CELF2: variants seen among roughly 807,000 people sequenced by gnomAD.
The protein encoded by CELF2 is CUG triplet repeat RNA-binding protein 2.
A neutral mutation model predicts 62.6 loss-of-function variants in CELF2; 8 were observed. That is an observed-to-expected ratio of 0.13 (90% confidence interval 0.07 to 0.23). The LOEUF (loss-of-function observed/expected upper bound fraction) is 0.23. Ranked by LOEUF, CELF2 falls within the 10% of genes least tolerant of loss-of-function variation. The probability of loss-of-function intolerance (pLI) is 1.00; values close to 1 mark genes in which losing one functional copy is unlikely to be tolerated. For synonymous variants in CELF2, 258 were observed against 250.0 expected (o/e 1.03, Z -0.30); for missense variants, 333 against 671.0 (o/e 0.50, Z 5.56).
the CELF2 span, among the ~76,000 whole-genome samples, chr10:10,688,997 C>T: frequency 6.6e-6 from 1 of 151,776 alleles, no homozygotes. Flanking sequence ...GAACAAGACC[C>T]TATCTCTCTC....
At chr10:10,479,921 A>G in the CELF2 span, among the ~76,000 whole-genome samples, 1 of 152,190 alleles carries the variant, frequency 6.6e-6, no homozygotes, top group Non-Finnish European at 1.5e-5. Context: ...CTGTGCATTC[A>G]TTGTCTTAAC....
the CELF2 span, among the ~76,000 whole-genome samples, chr10:10,631,906 A>T: frequency 6.6e-6 from 1 of 152,314 alleles, no homozygotes; most frequent in South Asian, 2.1e-4. Context: ...TTCACCTCTA[A>T]TCAGCTGCAA....
At chr10:11,113,143 ATCT>A (rs2055652808) in intron 1 of CELF2, among the ~76,000 whole-genome samples, 1 of 152,244 alleles carries the variant, frequency 6.6e-6, no homozygotes, top group Non-Finnish European at 1.5e-5. Flanking sequence ...GTGAATCAAT[ATCT>A]TCTTACTTTA....
chr10:10,468,446 A>T, the CELF2 span, among the ~76,000 whole-genome samples: 4 of 151,970 alleles, frequency 2.6e-5, no homozygotes, highest in African/African-American at 9.7e-5. Flanking sequence ...TTCCTCAAAG[A>T]AATGCTTCAG....
chr10:10,549,811 C>T, the CELF2 span, among the ~76,000 whole-genome samples: 17,777 of 152,116 alleles, frequency 0.12, 1,358 homozygotes, highest in Non-Finnish European at 0.16. Context: ...AAGACTTCAA[C>T]GTATGAATTT....
intron 1 of CELF2, among the ~76,000 whole-genome samples, chr10:10,867,631 A>G (rs1005537938): frequency 5.3e-5 from 8 of 152,080 alleles, no homozygotes; most frequent in African/African-American, 1.7e-4. Flanking sequence ...GCCAAAACCC[A>G]TGGGCCATGC....
At chr10:10,878,583 G>A (rs955881403) in intron 1 of CELF2, among the ~76,000 whole-genome samples, 1 of 152,144 alleles carries the variant, frequency 6.6e-6, no homozygotes, top group African/African-American at 2.4e-5. Flanking sequence ...GCCTAGACAA[G>A]TGGTCGTACA....
intron 1 of CELF2, among the ~76,000 whole-genome samples, chr10:11,150,557 T>A (rs1403381413): frequency 6.6e-6 from 1 of 152,264 alleles, no homozygotes; most frequent in Non-Finnish European, 1.5e-5. Context: ...GTGGAGATTA[T>A]GGTTGAACCA....
At position 11,335,404 on chromosome 10, in the gene CELF2, A is replaced by C; in HGVS notation, c.*6351A>C. The C allele has an allele frequency of 6.6e-6, 1 of 152,510 alleles. No homozygotes were observed. Among genetic ancestry groups the C allele is most frequent in the Non-Finnish European group, 1.5e-5 (1 of 68,212 alleles). The allele number at this position is 152,510 out of a possible 1,614,324, so 9.4% of individuals were successfully genotyped here. ...GCAGCCTTCCTCTGCGTGCCAGTGA[A>C]ATCTCTCCCAGTAGGTGCTCAGGCT... On this transcript the variant is annotated 3_prime_UTR_variant, in exon 13 of 13. Transcript: ENST00000633077. The surrounding 1 kb of genome is among the most constrained non-coding windows in gnomAD (Gnocchi z 5.0).
chr10:10,971,676 T>C (rs1592581826), intron 2 of CELF2, among the ~76,000 whole-genome samples: 1 of 152,182 alleles, frequency 6.6e-6, no homozygotes. Flanking sequence ...AAACTGTGCC[T>C]CCCAGGTTCA....
intron 2 of CELF2, among the ~76,000 whole-genome samples, chr10:10,945,159 C>G (rs1471412157): frequency 6.6e-6 from 1 of 152,110 alleles, no homozygotes; most frequent in Non-Finnish European, 1.5e-5. Flanking sequence ...CGGATGGGAG[C>G]CGTAGGTGCT....
intron 1 of CELF2, among the ~76,000 whole-genome samples, chr10:10,803,603 G>T (rs186512576): frequency 9.0e-4 from 137 of 152,280 alleles, no homozygotes; most frequent in African/African-American, 3.1e-3. Flanking sequence ...CTCCCTGATG[G>T]ACTGAATCAT....
chr10:10,472,872 C>T, the CELF2 span, among the ~76,000 whole-genome samples: 1 of 151,930 alleles, frequency 6.6e-6, no homozygotes, highest in African/African-American at 2.4e-5. Context: ...AATTTGGCAA[C>T]TTAGAATTTA....
At chr10:10,525,053 T>C in the CELF2 span, among the ~76,000 whole-genome samples, 2 of 152,198 alleles carry the variant, frequency 1.3e-5, no homozygotes, top group African/African-American at 4.8e-5. Flanking sequence ...TACAGTGCAA[T>C]GTTTGGATAT....
At chr10:10,684,302 A>C in the CELF2 span, among the ~76,000 whole-genome samples, 3 of 152,206 alleles carry the variant, frequency 2.0e-5, no homozygotes, top group Non-Finnish European at 4.4e-5. Flanking sequence ...AATTGTAGTC[A>C]GAGCCCAAAC....
the CELF2 span, among the ~76,000 whole-genome samples, chr10:10,702,810 T>C: frequency 1.3e-5 from 2 of 152,236 alleles, no homozygotes; most frequent in Non-Finnish European, 2.9e-5. Flanking sequence ...GGTCTCGAAC[T>C]CCTGACCTCA....
the CELF2 span, among the ~76,000 whole-genome samples, chr10:10,611,965 T>G: frequency 6.6e-6 from 1 of 152,180 alleles, no homozygotes. Flanking sequence ...TCCAAGGAGA[T>G]CCATGATTTC....
intron 1 of CELF2, among the ~76,000 whole-genome samples, chr10:11,120,131 G>C (rs2144085687): frequency 6.6e-6 from 1 of 152,234 alleles, no homozygotes; most frequent in South Asian, 2.1e-4. Context: ...CATGTCGTGT[G>C]TGTCAAGCAC....
chr10:10,629,799 G>A, the CELF2 span, among the ~76,000 whole-genome samples: 1,301 of 133,270 alleles, frequency 9.8e-3, 11 homozygotes, highest in South Asian at 0.059. Context: ...CACATTGCAC[G>A]TGATGTCATG....
Sources: allele counts gnomAD v4.1 joint callset (sites outside exome capture counted in the v4.1 genomes callset), GRCh38; gene constraint gnomAD v4.1.1; non-coding constraint Gnocchi (gnomAD v3.1); transcripts MANE v1.5; gene names NCBI Gene and HGNC (gene_info 2026-07-23, HGNC 2026-07-21).